UFSP2: variants seen among roughly 807,000 people sequenced by gnomAD.
UFSP2 encodes ufm1-specific protease 2.
Under a neutral mutation model 60.2 loss-of-function variants are expected in UFSP2, and 43 were observed. The observed-to-expected ratio is 0.71, with a 90% CI of 0.56 to 0.92. UFSP2 has a LOEUF of 0.92. Ranked by LOEUF, UFSP2 falls within the 40% of genes least tolerant of loss-of-function variation. UFSP2 has a pLI of 0.00. For synonymous variants in UFSP2, 183 were observed against 195.1 expected (o/e 0.94, Z 0.52); for missense variants, 520 against 575.0 (o/e 0.90, Z 0.98).
chr4:185,402,947 A>G (rs2095515034), intron 11 of UFSP2, among the ~76,000 whole-genome samples: 1 of 152,234 alleles, frequency 6.6e-6, no homozygotes, highest in Admixed American at 6.5e-5. Flanking sequence ...GAGTTTTCAT[A>G]TGTGAGAATT....
At position 185,422,508 on chromosome 4, in the gene UFSP2, G is replaced by C; in HGVS notation, c.59C>G (p.Ala20Gly). ...LFRIRGGLDL[A>G]FQLATPNEIF... is the part of the protein sequence containing the mutation. ...ACCATTAGGAGTAGCTAGCTGAAAA[G>C]CCAAATCAAGGCCTCCTCTTATTCT... The change falls in exon 2 of 12, where the codon GCT becomes GGT. Residue 20 changes from alanine to glycine, a missense_variant. By Grantham distance (60) the Ala-to-Gly change is moderately conservative. Transcript: ENST00000264689. The C allele has an allele frequency of 6.2e-7, 1 of 1,611,330 alleles. No individual in the cohort carries two copies. Among genetic ancestry groups the C allele is most frequent in the Non-Finnish European group, 8.5e-7 (1 of 1,179,270 alleles).
At position 185,415,195 on chromosome 4, in the gene UFSP2, G is replaced by A. The variant is rs1332286855; in HGVS notation, c.644C>T (p.Pro215Leu). ...GKKNLVTISY[P>L]SGIPDGQLQA... ...CAGCTGGCCATCTGGTATTCCTGAA[G>A]GATATGAAATTGTTACAAGATTTTT... Residue 215 changes from proline to leucine, a missense_variant, in exon 6 of 12, where the codon CCT becomes CTT. Coordinates refer to ENST00000264689, the MANE Select transcript of UFSP2 (RefSeq NM_018359.5). 1 of 1,606,090 alleles carries A rather than the reference G, an allele frequency of 6.2e-7. No individual in the cohort carries two copies. The highest frequency in any genetic ancestry group is 2.3e-5 in the East Asian group (1 of 44,328).
chr4:185,406,123 G>T, intron 9 of UFSP2: 7 of 480,064 alleles, frequency 1.5e-5, no homozygotes, highest in South Asian at 7.3e-5. Flanking sequence ...GTATAAAGGA[G>T]GCCTGGGTTT....
intron 7 of UFSP2, among the ~76,000 whole-genome samples, chr4:185,410,945 CAA>C (rs374020176): frequency 4.4e-5 from 5 of 113,956 alleles, no homozygotes; most frequent in Non-Finnish European, 5.1e-5. Context: ...GACTCCATCT[CAA>C]AAAAAAAAAA....
rs561941171 is a variant in UFSP2, at chr4:185,410,849, G to GGGA, written c.832-2417_832-2415dup. Among the ~76,000 whole-genome samples, 275 of 151,628 alleles carry GGGA rather than the reference G, an allele frequency of 1.8e-3. 1 individual carries two copies. Among genetic ancestry groups the GGGA allele is most frequent in the African/African-American group, 6.1e-3 (253 of 41,370 alleles). ...TAATCCCAGCTACTTGGGAGGCTGAGGGAGGATAATCGCTGGAACCCAGGA... is the reference window on the plus strand; with the variant it reads ...TAATCCCAGCTACTTGGGAGGCTGAGGGAGGAGGATAATCGCTGGAACCCAGGA... On this transcript the variant is annotated intron_variant, in intron 7 of 11. Coordinates refer to ENST00000264689, the MANE Select transcript of UFSP2 (RefSeq NM_018359.5).
chr4:185,404,748 G>T (rs1343626174), intron 10 of UFSP2, among the ~76,000 whole-genome samples: 6 of 151,886 alleles, frequency 4.0e-5, no homozygotes, highest in African/African-American at 1.5e-4. Context: ...ACCACACCCA[G>T]CTAAATTTTG....
intron 9 of UFSP2, among the ~76,000 whole-genome samples, chr4:185,406,657 C>T (rs968418081): frequency 7.9e-5 from 12 of 152,116 alleles, no homozygotes; most frequent in African/African-American, 2.7e-4. Context: ...CTCACTGCAA[C>T]CTCCGCCTCT....
intron 9 of UFSP2, chr4:185,406,062 A>G: frequency 9.1e-7 from 1 of 1,102,966 alleles, no homozygotes; most frequent in Non-Finnish European, 1.3e-6. Flanking sequence ...TAAGGCCACC[A>G]AGTGTGCTAG....
rs1362007563 is a variant in UFSP2, at chr4:185,399,903, A to G, written c.*489T>C. 6.5e-6 allele frequency: 10 copies of G among 1,538,936 alleles called. No individual in the cohort carries two copies. The highest frequency in any genetic ancestry group is 8.7e-7 in the Non-Finnish European group (1 of 1,145,034). On this transcript the variant is annotated 3_prime_UTR_variant, in exon 12 of 12. Coordinates refer to ENST00000264689, the MANE Select transcript of UFSP2 (RefSeq NM_018359.5). ...GTTTCATTCTCATTAACATTTTAGT[A>G]CTGGTTATACTTACCAGAGTCTAGA...
chr4:185,417,766 G>T (rs72712021), intron 4 of UFSP2, among the ~76,000 whole-genome samples: 3 of 152,000 alleles, frequency 2.0e-5, no homozygotes, highest in Admixed American at 6.6e-5. Context: ...AGAACCAGCC[G>T]GGCGCGGTGG....
intron 10 of UFSP2, among the ~76,000 whole-genome samples, chr4:185,403,987 AC>A (rs200781981): frequency 0.043 from 6,294 of 146,236 alleles, 758 homozygotes; most frequent in African/African-American, 0.11. Context: ...ACAAAAAAAA[AC>A]AACATTACTT....
intron 6 of UFSP2, among the ~76,000 whole-genome samples, chr4:185,414,453 A>C (rs2095534850): frequency 6.6e-6 from 1 of 152,166 alleles, no homozygotes; most frequent in Non-Finnish European, 1.5e-5. Context: ...CATGTTCTTT[A>C]TCATATCTTG....
At chr4:185,401,201 C>T (rs890048072) in intron 11 of UFSP2, among the ~76,000 whole-genome samples, 5 of 152,140 alleles carry the variant, frequency 3.3e-5, no homozygotes, top group Admixed American at 6.5e-5. Context: ...TGACAAGCAG[C>T]GGTCTGACTC....
rs2095532231 is a variant in UFSP2 at position 185,413,032 on chromosome 4, A to G, written c.831+694T>C. 2.6e-5 allele frequency among the ~76,000 whole-genome samples: 4 copies of G among 152,258 alleles called. No individual in the cohort carries two copies. In the South Asian group the frequency reaches 8.3e-4, roughly 32 times the overall value. ...TAGACTTATCCTACAGTGGCTGGGCATGGTGAATCATGCCTGTAATCCCAG... is the reference window on the plus strand; with the variant it reads ...TAGACTTATCCTACAGTGGCTGGGCGTGGTGAATCATGCCTGTAATCCCAG... On this transcript the variant is annotated intron_variant, in intron 7 of 11. Coordinates refer to ENST00000264689, the MANE Select transcript of UFSP2 (RefSeq NM_018359.5).
chr4:185,406,909 C>G (rs1432806274), intron 9 of UFSP2, among the ~76,000 whole-genome samples: 1 of 151,416 alleles, frequency 6.6e-6, no homozygotes, highest in Non-Finnish European at 1.5e-5. Flanking sequence ...ATTTCCATAA[C>G]CACTGAGGAA....
rs2095510915 is a variant in UFSP2 at position 185,399,774 on chromosome 4, G to C, written c.*618C>G. ...ATACCAGTGGGAAAAGGAAGTGCTG[G>C]TAAGTAACTCAGAGCTGCTGCTTTT... On this transcript the variant is annotated 3_prime_UTR_variant, in exon 12 of 12. Transcript: ENST00000264689. 6.2e-7 allele frequency: 1 copy of C among 1,613,820 alleles called. No homozygotes were observed. Among genetic ancestry groups the C allele is most frequent in the African/African-American group, 1.3e-5 (1 of 74,876 alleles).
chr4:185,408,034 T>C lies in UFSP2; in HGVS notation c.1023A>G (p.Pro341=). 3.1e-6 allele frequency: 5 copies of C among 1,613,850 alleles called. No individual in the cohort carries two copies. The highest frequency in any genetic ancestry group is 4.2e-6 in the Non-Finnish European group (5 of 1,179,712). Residue 341 remains proline, a synonymous_variant, in exon 9 of 12, where the codon CCA becomes CCG. Coordinates refer to ENST00000264689, the MANE Select transcript of UFSP2 (RefSeq NM_018359.5). The part of the protein sequence containing the change: ...QQALVDAGDK[P]ATFVGSRQWI... ...ATTGCCGCGATCCGACAAATGTTGC[T>C]GGTTTGTCCCCGGCATCGACTAGAG...
chr4:185,410,644 T>C (rs575664614), intron 7 of UFSP2, among the ~76,000 whole-genome samples: 256 of 146,140 alleles, frequency 1.8e-3, no homozygotes, highest in Non-Finnish European at 8.5e-4. Context: ...CAAGACTCCA[T>C]CTCAAAAAAA....
intron 8 of UFSP2, 102 bp downstream of exon 8, chr4:185,408,169 C>T: frequency 6.5e-7 from 1 of 1,539,900 alleles, no homozygotes; most frequent in Non-Finnish European, 8.9e-7. Flanking sequence ...TTCTTCAAAA[C>T]AGAAATAAGT....
Sources: allele counts gnomAD v4.1 joint callset (sites outside exome capture counted in the v4.1 genomes callset), GRCh38; gene constraint gnomAD v4.1.1; transcripts MANE v1.5; gene names NCBI Gene and HGNC (gene_info 2026-07-23, HGNC 2026-07-21).